Variants in CNOT4 observed in about 807,000 individuals in gnomAD.
CNOT4 encodes the protein CCR4-associated factor 4.
CNOT4 carries 8 observed loss-of-function variants against 73.8 expected under a neutral mutation model. That is an observed-to-expected ratio of 0.11 (90% confidence interval 0.06 to 0.20). The LOEUF (loss-of-function observed/expected upper bound fraction) is 0.20, where lower values mean the gene tolerates loss of function less well. Among genes scored for constraint, CNOT4 ranks in the 10% least tolerant of loss-of-function variants. The pLI is 1.00. For missense variants in CNOT4, 564 were observed against 883.4 expected (o/e 0.64, Z 4.58); for synonymous variants, 293 against 321.1 (o/e 0.91, Z 0.94).
intron 1 of CNOT4, among the ~76,000 whole-genome samples, chr7:135,451,238 C>G (rs570684370): frequency 2.6e-5 from 4 of 152,280 alleles, no homozygotes; most frequent in South Asian, 2.1e-4. Flanking sequence ...TCTGTACATA[C>G]TAACATACTG....
At chr7:135,384,763 T>A (rs1349010761) in intron 10 of CNOT4, 1 of 763,616 alleles carries the variant, frequency 1.3e-6, no homozygotes, top group Non-Finnish European at 2.4e-6. Flanking sequence ...TTCTCCCTTA[T>A]ATTAAAGCAA....
chr7:135,384,538 G>A (rs1796021538), intron 10 of CNOT4: 2 of 638,074 alleles, frequency 3.1e-6, no homozygotes, highest in Admixed American at 4.7e-5. Flanking sequence ...GCCTGCCTTG[G>A]CCTCCCAAAG....
At chr7:135,453,847 T>TATATATATATATA (rs1554438701) in intron 1 of CNOT4, among the ~76,000 whole-genome samples, 7 of 119,368 alleles carry the variant, frequency 5.9e-5, no homozygotes, top group Admixed American at 1.8e-4. Flanking sequence ...TATATATATA[T>TATATATATATATA]TATATATATA....
chr7:135,469,542 C>T (rs896360865), intron 1 of CNOT4, among the ~76,000 whole-genome samples: 1 of 152,150 alleles, frequency 6.6e-6, no homozygotes, highest in Non-Finnish European at 1.5e-5. Context: ...TATTCTCCTA[C>T]ATCACTTCCA....
At chr7:135,439,134 G>A (rs925937027) in intron 1 of CNOT4, among the ~76,000 whole-genome samples, 2 of 152,088 alleles carry the variant, frequency 1.3e-5, no homozygotes, top group Admixed American at 6.5e-5. Context: ...AGATTATAGG[G>A]AGTTTTAAAT....
rs1179419296 is a variant in CNOT4, at chr7:135,361,935, A to G, written c.*950T>C. The G allele has an allele frequency of 6.6e-6, 1 of 152,660 alleles. No homozygotes were observed. The highest frequency in any genetic ancestry group is 2.1e-4 in the South Asian group (1 of 4,836). The allele number at this position is 152,660 out of a possible 1,614,324, so 9.5% of individuals were successfully genotyped here. The stretch of plus-strand genomic sequence containing the variant: ...TTCTCCTGTCTTTTCAATACTGCAC[A>G]AACGTCCAGAAACTACAGGGTTAAG... On this transcript the variant is annotated 3_prime_UTR_variant, in exon 12 of 12. Transcript: ENST00000541284.
chr7:135,424,874 G>C (rs948167217), intron 2 of CNOT4, among the ~76,000 whole-genome samples: 3 of 152,028 alleles, frequency 2.0e-5, no homozygotes, highest in Admixed American at 6.6e-5. Flanking sequence ...CTAAAACACC[G>C]ATGCTCCACT....
At chr7:135,380,860 T>C (rs1795809316) in intron 10 of CNOT4, among the ~76,000 whole-genome samples, 1 of 152,192 alleles carries the variant, frequency 6.6e-6, no homozygotes, top group Admixed American at 6.5e-5. Flanking sequence ...AAGACTATGT[T>C]ATATTTATTT....
At position 135,413,617 on chromosome 7, in the gene CNOT4, C is replaced by A; in HGVS notation, c.562-4G>T. 5 of 1,608,378 alleles carry A rather than the reference C, an allele frequency of 3.1e-6. No homozygotes were observed. The highest frequency in any genetic ancestry group is 1.1e-5 in the South Asian group (1 of 90,442). On this transcript the variant is annotated splice_polypyrimidine_tract_variant and splice_region_variant and intron_variant, in intron 5 of 11. Transcript: ENST00000541284. ...ATTTTGTTGTACCTAGAGATGCCTGCAGGAGGAAGAGGGGTAAAGGAAAAG... is the reference window on the plus strand; with the variant it reads ...ATTTTGTTGTACCTAGAGATGCCTGAAGGAGGAAGAGGGGTAAAGGAAAAG...
chr7:135,380,371 A>C lies in CNOT4; in HGVS notation c.1627+13547T>G, dbSNP rs574954414. On this transcript the variant is annotated intron_variant, in intron 10 of 11. Transcript: ENST00000541284. Reference sequence around the variant, plus strand: ...AAAAATCCTGGGTAAATTAAACTCCACCTCTGTTTTACTCTTTTAGTTCTG... The same window carrying C: ...AAAAATCCTGGGTAAATTAAACTCCCCCTCTGTTTTACTCTTTTAGTTCTG... Among the ~76,000 whole-genome samples, 46 of 152,204 alleles carry C rather than the reference A, an allele frequency of 3.0e-4. No homozygotes were observed. The South Asian group carries it at 3.1e-3, about 10-fold the overall frequency.
intron 1 of CNOT4, among the ~76,000 whole-genome samples, chr7:135,473,752 A>G (rs1232791799): frequency 6.6e-6 from 1 of 152,142 alleles, no homozygotes; most frequent in African/African-American, 2.4e-5. Context: ...CTTAAGAGGG[A>G]GAAAGAAAGC....
chr7:135,453,989 C>CATATAT (rs371504271), intron 1 of CNOT4, among the ~76,000 whole-genome samples: 5,965 of 133,906 alleles, frequency 0.045, 197 homozygotes, highest in African/African-American at 0.089. Flanking sequence ...AATATATATA[C>CATATAT]ATATATATAT....
intron 7 of CNOT4, among the ~76,000 whole-genome samples, chr7:135,401,286 T>C (rs1334736901): frequency 6.6e-6 from 1 of 152,188 alleles, no homozygotes; most frequent in Non-Finnish European, 1.5e-5. Flanking sequence ...ACCCATTATA[T>C]GCCAAGAGGG....
At chr7:135,391,539 A>C (rs941580333) in intron 10 of CNOT4, among the ~76,000 whole-genome samples, 2 of 152,096 alleles carry the variant, frequency 1.3e-5, no homozygotes, top group African/African-American at 4.8e-5. Flanking sequence ...TCTCTGAAAA[A>C]AAAAGGTTTT....
At position 135,495,689 on chromosome 7, in the gene CNOT4, A is replaced by G. The variant is rs1563083462; in HGVS notation, c.-93+14200T>C. Among the ~76,000 whole-genome samples, 167 of 44,786 alleles carry G rather than the reference A, an allele frequency of 3.7e-3. 5 individuals are homozygous for G. Among genetic ancestry groups the G allele is most frequent in the African/African-American group, 0.013 (158 of 12,394 alleles). The allele number at this position is 44,786 out of a possible 152,430, so 29.4% of individuals were successfully genotyped here. ...TGTGTCAAAAAAAAAAAAAAAAAAA[A>G]AAAAGAAAGAAAGAAAGAAAGAAAG... is the stretch of plus-strand genomic sequence containing the variant. On this transcript the variant is annotated intron_variant, in intron 1 of 11. Coordinates refer to ENST00000541284, the MANE Select transcript of CNOT4 (RefSeq NM_001190850.2).
intron 2 of CNOT4, among the ~76,000 whole-genome samples, chr7:135,432,244 T>G (rs1798894869): frequency 6.6e-6 from 1 of 151,852 alleles, no homozygotes; most frequent in Admixed American, 6.6e-5. Flanking sequence ...CAATCAAGAG[T>G]GAAAGGACAG....
intron 1 of CNOT4, among the ~76,000 whole-genome samples, chr7:135,499,339 C>G (rs1309287366): frequency 6.6e-6 from 1 of 152,080 alleles, no homozygotes; most frequent in Non-Finnish European, 1.5e-5. Context: ...ACAATGCCAT[C>G]AATGCCATAG....
chr7:135,504,864 G>A (rs1156759801), intron 1 of CNOT4, among the ~76,000 whole-genome samples: 3 of 151,768 alleles, frequency 2.0e-5, no homozygotes, highest in East Asian at 2.0e-4. Flanking sequence ...TCCTGACCTC[G>A]TGATCTGCCC....
rs1222399224 is a variant in CNOT4, at chr7:135,428,517, G to GA, written c.175-6165dup. Among the ~76,000 whole-genome samples the GA allele has an allele frequency of 7.3e-5, 11 of 151,592 alleles. No individual in the cohort carries two copies. In the East Asian group the frequency reaches 9.7e-4, roughly 13 times the overall value. ...AATCTATTTTAAAATAACAGCAAGA[G>GA]AAAAAAAAGAGCAAACATTACTTCT... On this transcript the variant is annotated intron_variant, in intron 2 of 11. Transcript: ENST00000541284.
Sources: allele counts gnomAD v4.1 joint callset (sites outside exome capture counted in the v4.1 genomes callset), GRCh38; gene constraint gnomAD v4.1.1; transcripts MANE v1.5; gene names NCBI Gene and HGNC (gene_info 2026-07-23, HGNC 2026-07-21).